Variants in ZDHHC20 observed in about 807,000 individuals in gnomAD.
ZDHHC20 encodes palmitoyltransferase ZDHHC20.
Under a neutral mutation model 57.8 loss-of-function variants are expected in ZDHHC20, and 43 were observed. That is an observed-to-expected ratio of 0.74 (90% CI 0.58 to 0.96). ZDHHC20 has a LOEUF of 0.96. Among genes scored for constraint, ZDHHC20 ranks in the 40% least tolerant of loss-of-function variants. The probability of loss-of-function intolerance (pLI) is 0.00; values close to 1 mark genes in which losing one functional copy is unlikely to be tolerated. For synonymous variants in ZDHHC20, 157 were observed against 153.0 expected (o/e 1.03, Z -0.19); for missense variants, 391 against 441.1 (o/e 0.89, Z 1.02).
chr13:21,438,040 A>G (rs1882736153), intron 1 of ZDHHC20, among the ~76,000 whole-genome samples: 1 of 152,174 alleles, frequency 6.6e-6, no homozygotes, highest in Non-Finnish European at 1.5e-5. Context: ...GCTCAGAAAA[A>G]AGATTCCTTT....
At chr13:21,406,615 A>G (rs1026545867) in intron 4 of ZDHHC20, among the ~76,000 whole-genome samples, 1 of 150,202 alleles carries the variant, frequency 6.7e-6, no homozygotes, top group Non-Finnish European at 1.5e-5. Flanking sequence ...ACTCCCACTT[A>G]TAAGTGAGAA....
intron 12 of ZDHHC20, 57 bp downstream of exon 12, chr13:21,378,604 T>C: frequency 9.7e-7 from 1 of 1,031,034 alleles, no homozygotes; most frequent in Non-Finnish European, 1.3e-6. Flanking sequence ...TGTTTAAAGA[T>C]TATGAAATAT....
chr13:21,394,432 T>A, intron 7 of ZDHHC20, among the ~76,000 whole-genome samples: 1 of 152,208 alleles, frequency 6.6e-6, no homozygotes, highest in East Asian at 1.9e-4. Context: ...ACCCTGCTCA[T>A]TATTTATTAC....
intron 7 of ZDHHC20, among the ~76,000 whole-genome samples, chr13:21,393,515 G>C (rs1876160238): frequency 6.8e-6 from 1 of 148,004 alleles, no homozygotes. Flanking sequence ...GACCAGCCTG[G>C]CCAACATGGT....
intron 3 of ZDHHC20, among the ~76,000 whole-genome samples, chr13:21,415,169 G>C (rs760526672): frequency 8.5e-5 from 13 of 152,162 alleles, no homozygotes; most frequent in African/African-American, 3.1e-4. Flanking sequence ...AGAGCTCTGA[G>C]TTGAGGAAAT....
intron 2 of ZDHHC20, 130 bp downstream of exon 2, chr13:21,425,522 C>A: frequency 1.6e-6 from 1 of 637,670 alleles, no homozygotes; most frequent in Non-Finnish European, 2.3e-6. Flanking sequence ...CTTTTAATTA[C>A]TTAAAATGTA....
chr13:21,412,951 G>C (rs1023989937), intron 4 of ZDHHC20, among the ~76,000 whole-genome samples: 2 of 113,164 alleles, frequency 1.8e-5, no homozygotes, highest in South Asian at 3.1e-4. Flanking sequence ...CTGGGCCACA[G>C]AGCGAGACTC....
At chr13:21,443,086 T>G (rs1410703916) in intron 1 of ZDHHC20, among the ~76,000 whole-genome samples, 2 of 152,220 alleles carry the variant, frequency 1.3e-5, no homozygotes, top group African/African-American at 4.8e-5. Flanking sequence ...GGACAGTGCA[T>G]TTATTTATCC....
chr13:21,385,562 G>A (rs548133474), intron 9 of ZDHHC20, among the ~76,000 whole-genome samples: 49 of 152,176 alleles, frequency 3.2e-4, no homozygotes, highest in Non-Finnish European at 6.8e-4. Flanking sequence ...AAATGAAGCA[G>A]AGAAAAGAAG....
At chr13:21,434,587 A>C (rs1287459543) in intron 1 of ZDHHC20, among the ~76,000 whole-genome samples, 2 of 152,160 alleles carry the variant, frequency 1.3e-5, no homozygotes, top group Non-Finnish European at 1.5e-5. Context: ...CTAGCAAACT[A>C]GTTTTGCTAC....
chr13:21,450,859 ATCCTCCTGCTTCAGCC>A (rs2138059467), intron 1 of ZDHHC20, among the ~76,000 whole-genome samples: 1 of 152,078 alleles, frequency 6.6e-6, no homozygotes, highest in Non-Finnish European at 1.5e-5. Flanking sequence ...GGCTCAAGTA[ATCCTCCTGCTTCAGCC>A]TCCCAAGTAG....
rs552122605 is a variant in ZDHHC20 at position 21,433,534 on chromosome 13, G to A, written c.119-7856C>T. 3.3e-5 allele frequency among the ~76,000 whole-genome samples: 5 copies of A among 150,102 alleles called. 1 individual carries two copies. The East Asian group carries it at 1.0e-3, about 30-fold the overall frequency. On this transcript the variant is annotated intron_variant, in intron 1 of 12. Transcript: ENST00000400590. Reference sequence around the variant, plus strand: ...CAGGAGGGTGAGGTAGGAGAATGGCGTGAACCCAGAAGGCGGAGCTTGCAG... The same window carrying A: ...CAGGAGGGTGAGGTAGGAGAATGGCATGAACCCAGAAGGCGGAGCTTGCAG...
chr13:21,439,319 G>C (rs974889678), intron 1 of ZDHHC20, among the ~76,000 whole-genome samples: 5 of 152,076 alleles, frequency 3.3e-5, no homozygotes, highest in Non-Finnish European at 7.4e-5. Flanking sequence ...GGGCAACATA[G>C]TGGGACCCTG....
At chr13:21,455,632 T>C (rs1329027541) in intron 1 of ZDHHC20, among the ~76,000 whole-genome samples, 1 of 98,160 alleles carries the variant, frequency 1.0e-5, no homozygotes, top group Non-Finnish European at 2.1e-5. Context: ...CCCAGTGAAG[T>C]GGTGTGTGTG....
At chr13:21,379,430 T>C (rs1355715792) in intron 11 of ZDHHC20, among the ~76,000 whole-genome samples, 2 of 151,916 alleles carry the variant, frequency 1.3e-5, no homozygotes, top group Non-Finnish European at 2.9e-5. Context: ...TACAGACACA[T>C]GCTATCAGGC....
intron 1 of ZDHHC20, among the ~76,000 whole-genome samples, chr13:21,439,048 A>G (rs1190802417): frequency 2.6e-5 from 4 of 152,244 alleles, no homozygotes; most frequent in Admixed American, 6.5e-5. Context: ...TATATGCAGT[A>G]GGAAACCAAA....
At chr13:21,380,516 G>A (rs1411257553) in intron 11 of ZDHHC20, among the ~76,000 whole-genome samples, 6 of 152,132 alleles carry the variant, frequency 3.9e-5, no homozygotes, top group East Asian at 2.0e-4. Context: ...ACTGCTGGCC[G>A]GGCATGGTGG....
chr13:21,411,820 G>A (rs1358253428), intron 4 of ZDHHC20, among the ~76,000 whole-genome samples: 1 of 152,212 alleles, frequency 6.6e-6, no homozygotes, highest in Non-Finnish European at 1.5e-5. Context: ...TTTCTACCAC[G>A]TGACAAATAC....
At chr13:21,427,834 C>CAAAAA (rs755599024) in intron 1 of ZDHHC20, among the ~76,000 whole-genome samples, 5 of 92,478 alleles carry the variant, frequency 5.4e-5, no homozygotes, top group African/African-American at 1.9e-4. Flanking sequence ...GACTCTGTTT[C>CAAAAA]AAAAAAAAAA....
Sources: allele counts gnomAD v4.1 joint callset (sites outside exome capture counted in the v4.1 genomes callset), GRCh38; gene constraint gnomAD v4.1.1; transcripts MANE v1.5; gene names NCBI Gene and HGNC (gene_info 2026-07-23, HGNC 2026-07-21).